The following PCDHGC3 variants were observed in gnomAD, a reference collection of about 807,000 sequenced individuals.
PCDHGC3 encodes the protein protocadherin gamma subfamily C, 3, also known as protocadherin gamma-C3.
In PCDHGC3, 26 loss-of-function variants were observed where a neutral mutation model predicts 59.2. The observed-to-expected ratio is 0.44, with a 90% CI of 0.32 to 0.61. The LOEUF (loss-of-function observed/expected upper bound fraction) is 0.61. Ranked by LOEUF, PCDHGC3 falls within the 20% of genes least tolerant of loss-of-function variation. The pLI, the probability that PCDHGC3 is intolerant of heterozygous loss-of-function variation, is 0.05. For missense variants in PCDHGC3, 1,080 were observed against 1,221.8 expected (o/e 0.88, Z 1.73); for synonymous variants, 487 against 519.7 (o/e 0.94, Z 0.86).
Position 141,477,920 on chromosome 5 carries a change from C to A in PCDHGC3, c.1804C>A (p.His602Asn), listed in dbSNP as rs755219711. ...GGTAGGCTGGGACGCGGATGCAGGGCACAATGCCTGGCTCTCCTACAGTCT... is the reference window on the plus strand; with the variant it reads ...GGTAGGCTGGGACGCGGATGCAGGGAACAATGCCTGGCTCTCCTACAGTCT... ...RVVGWDADAG[H>N]NAWLSYSLLG... The change falls in exon 1 of 4, where the codon CAC (histidine) becomes AAC (asparagine). Residue 602 changes from histidine to asparagine, a missense_variant. Transcript: ENST00000308177. The surrounding 1 kb of genome is among the most constrained non-coding windows in gnomAD (Gnocchi z 4.9). The A allele has an allele frequency of 6.2e-7, 1 of 1,614,180 alleles. No individual in the cohort carries two copies. The highest frequency in any genetic ancestry group is 8.5e-7 in the Non-Finnish European group (1 of 1,180,038).
chr5:141,501,066 A>G (rs2099805322), intron 2 of PCDHGC3, among the ~76,000 whole-genome samples: 1 of 151,976 alleles, frequency 6.6e-6, no homozygotes, highest in South Asian at 2.1e-4. Flanking sequence ...ACGGGGTTTC[A>G]CCATGTTGAC....
At position 141,493,726 on chromosome 5, in the gene PCDHGC3, G is replaced by C. The variant is rs1032021616; in HGVS notation, c.2431-1081G>C. ...CTGGAATGCTAGGTTTCTGGGTTCT[G>C]CTCATATCACTGCCACCTGTGAGCC... On this transcript the variant is annotated intron_variant, in intron 1 of 3. Coordinates refer to ENST00000308177, the MANE Select transcript of PCDHGC3 (RefSeq NM_002588.4). This position sits in a 1 kb window ranked among gnomAD's most constrained non-coding sequence, Gnocchi z 4.3. Among the ~76,000 whole-genome samples, 2 of 152,154 alleles carry C rather than the reference G, an allele frequency of 1.3e-5. No individual in the cohort carries two copies. Among genetic ancestry groups the C allele is most frequent in the African/African-American group, 4.8e-5 (2 of 41,438 alleles).
At position 141,478,236 on chromosome 5, in the gene PCDHGC3, T is replaced by C. The variant is rs2099440813; in HGVS notation, c.2120T>C (p.Val707Ala). Residue 707 changes from valine (V) to alanine (A), a missense_variant, in exon 1 of 4, where the codon GTC becomes GCC. By Grantham distance (64) the Val-to-Ala change is moderately conservative. Transcript: ENST00000308177. ...SLILVSVGFV[V>A]TVFGVIIFKV... ...ATCCTGGTTTCTGTGGGGTTTGTGG[T>C]CACAGTGTTCGGAGTAATCATATTC... 1.9e-6 allele frequency: 3 copies of C among 1,614,156 alleles called. No individual in the cohort carries two copies. The highest frequency in any genetic ancestry group is 2.5e-6 in the Non-Finnish European group (3 of 1,180,040).
intron 1 of PCDHGC3, chr5:141,479,247 C>A (rs1428944159): frequency 6.6e-6 from 1 of 152,084 alleles, no homozygotes; most frequent in Non-Finnish European, 1.5e-5. Flanking sequence ...CAAAGATAAC[C>A]ATTTTTAATT....
chr5:141,490,120 G>A lies in PCDHGC3; in HGVS notation c.2431-4687G>A. On this transcript the variant is annotated intron_variant, in intron 1 of 3. Coordinates refer to ENST00000308177, the MANE Select transcript of PCDHGC3 (RefSeq NM_002588.4). This position sits in a 1 kb window ranked among gnomAD's most constrained non-coding sequence, Gnocchi z 5.4. ...ATCTGAGGCAGTGCGGAACCTCTTT[G>A]GCCTAGACCCTAGCAGTGGGGCAAT... 6.2e-7 allele frequency: 1 copy of A among 1,614,224 alleles called. No homozygotes were observed. Among genetic ancestry groups the A allele is most frequent in the East Asian group, 2.2e-5 (1 of 44,888 alleles).
At chr5:141,506,636 C>T (rs1421676205) in intron 3 of PCDHGC3, among the ~76,000 whole-genome samples, 2 of 152,020 alleles carry the variant, frequency 1.3e-5, no homozygotes, top group South Asian at 2.1e-4. Context: ...AATGCAAGTC[C>T]CTCAGCACAG....
chr5:141,479,329 G>A (rs2099493017), intron 1 of PCDHGC3: 1 of 152,490 alleles, frequency 6.6e-6, no homozygotes, highest in African/African-American at 2.4e-5. Context: ...AGACTCAGTG[G>A]TGTGCACCTG....
chr5:141,484,715 G>A (rs576646182), intron 1 of PCDHGC3, among the ~76,000 whole-genome samples: 1 of 152,130 alleles, frequency 6.6e-6, no homozygotes, highest in African/African-American at 2.4e-5. Context: ...CCGCCGAAAA[G>A]GGGCGGGGTC....
Position 141,489,375 on chromosome 5 carries a change from G to C in PCDHGC3, c.2431-5432G>C. On this transcript the variant is annotated intron_variant, in intron 1 of 3. Coordinates refer to ENST00000308177, the MANE Select transcript of PCDHGC3 (RefSeq NM_002588.4). The surrounding 1 kb of genome is among the most constrained non-coding windows in gnomAD (Gnocchi z 4.5). ...AGGAGTCTGAGCCGGGGACGCTGGT[G>C]GGGAATGTTGCTCAGGATCTGGGCT... 1 of 1,613,826 alleles carries C rather than the reference G, an allele frequency of 6.2e-7. No homozygotes were observed.
At position 141,489,062 on chromosome 5, in the gene PCDHGC3, C is replaced by G. The variant is rs1466124551; in HGVS notation, c.2431-5745C>G. Reference sequence around the variant, plus strand: ...GCTCCACTCAAATTCAGCTCCCCTCCCCCCTGCCCACCCCCGCCACTCGGT... The same window carrying G: ...GCTCCACTCAAATTCAGCTCCCCTCGCCCCTGCCCACCCCCGCCACTCGGT... On this transcript the variant is annotated intron_variant, in intron 1 of 3. Transcript: ENST00000308177. This position sits in a 1 kb window ranked among gnomAD's most constrained non-coding sequence, Gnocchi z 4.5. 5.3e-6 allele frequency: 2 copies of G among 378,914 alleles called. No homozygotes were observed. Among genetic ancestry groups the G allele is most frequent in the Non-Finnish European group, 9.5e-6 (2 of 209,830 alleles). 23.5% of individuals were successfully genotyped at this position (378,914 alleles called of 1,614,324 possible).
Position 141,505,424 on chromosome 5 carries a change from C to T in PCDHGC3, c.2521C>T (p.Pro841Ser), listed in dbSNP as rs1422538114. The T allele has an allele frequency of 1.2e-6, 2 of 1,614,200 alleles. No individual in the cohort carries two copies. Among genetic ancestry groups the T allele is most frequent in the Non-Finnish European group, 1.7e-6 (2 of 1,180,028 alleles). Residue 841 changes from proline (P) to serine (S), a missense_variant, in exon 3 of 4, where the codon CCC (proline) becomes TCC (serine). Pro to Ser is a moderately conservative substitution (Grantham distance 74). Transcript: ENST00000308177. ...AAATGGCGATGACACCGGCACCTGG[C>T]CCAACAACCAGTTTGACACAGAGAT... is the stretch of plus-strand genomic sequence containing the variant. ...SQNGDDTGTW[P>S]NNQFDTEMLQ...
At chr5:141,500,469 AAAG>A (rs1479386829) in intron 2 of PCDHGC3, among the ~76,000 whole-genome samples, 1 of 152,052 alleles carries the variant, frequency 6.6e-6, no homozygotes, top group Non-Finnish European at 1.5e-5. Context: ...TCGGCCTCCC[AAAG>A]TGCTGGGATT....
intron 2 of PCDHGC3, among the ~76,000 whole-genome samples, chr5:141,504,211 A>G (rs2099836609): frequency 6.6e-6 from 1 of 152,218 alleles, no homozygotes. Flanking sequence ...GGAAAATTCC[A>G]AGTAGAGCTG....
intron 3 of PCDHGC3, among the ~76,000 whole-genome samples, chr5:141,510,566 A>G (rs2154594633): frequency 6.6e-6 from 1 of 152,288 alleles, no homozygotes; most frequent in South Asian, 2.1e-4. Flanking sequence ...TACATCTACC[A>G]GGCACTATTT....
chr5:141,484,750 G>GTATA (rs545232987), intron 1 of PCDHGC3, among the ~76,000 whole-genome samples: 1 of 149,818 alleles, frequency 6.7e-6, no homozygotes, highest in Non-Finnish European at 1.5e-5. Context: ...GAAAAAAAAT[G>GTATA]TATATATATA....
Position 141,487,367 on chromosome 5 carries a change from G to A in PCDHGC3, c.2431-7440G>A. 1 of 1,614,204 alleles carries A rather than the reference G, an allele frequency of 6.2e-7. No individual in the cohort carries two copies. The highest frequency in any genetic ancestry group is 8.5e-7 in the Non-Finnish European group (1 of 1,180,030). ...CACATGCTTTCCTGCTGGCACCTGT[G>A]CCTGTCTCACCAGATCTCGAAGGAG... On this transcript the variant is annotated intron_variant, in intron 1 of 3. Coordinates refer to ENST00000308177, the MANE Select transcript of PCDHGC3 (RefSeq NM_002588.4). This position sits in a 1 kb window ranked among gnomAD's most constrained non-coding sequence, Gnocchi z 5.0.
chr5:141,492,492 G>A (rs896538392), intron 1 of PCDHGC3, among the ~76,000 whole-genome samples: 2 of 152,206 alleles, frequency 1.3e-5, no homozygotes, highest in African/African-American at 2.4e-5. Context: ...AGGACCAGGC[G>A]AGGACTCCGG....
In PCDHGC3 at chr5:141,510,915, A is replaced by G; in HGVS notation, c.2579-32A>G. 8 of 1,613,786 alleles carry G rather than the reference A, an allele frequency of 5.0e-6. No individual in the cohort carries two copies. The South Asian group carries it at 8.8e-5, about 18-fold the overall frequency. ...AGTGACTGTTGAGGACCCTAAGTTT[A>G]GCTCCCACCTGATCTTCCTCTGTCT... On this transcript the variant is annotated intron_variant, in intron 3 of 3. Coordinates refer to ENST00000308177, the MANE Select transcript of PCDHGC3 (RefSeq NM_002588.4).
rs768994533 is a variant in PCDHGC3 at position 141,486,589 on chromosome 5, C to G, written c.2430+8043C>G. On this transcript the variant is annotated intron_variant, in intron 1 of 3. Transcript: ENST00000308177. This position sits in a 1 kb window ranked among gnomAD's most constrained non-coding sequence, Gnocchi z 5.0. Reference sequence around the variant, plus strand: ...TTCCTGAGAACAATCGCCCAGGGGACCTGCTTTGCTCCCTTGCAGCCTCTG... The same window carrying G: ...TTCCTGAGAACAATCGCCCAGGGGAGCTGCTTTGCTCCCTTGCAGCCTCTG... 1 of 1,613,676 alleles carries G rather than the reference C, an allele frequency of 6.2e-7. No individual in the cohort carries two copies. Among genetic ancestry groups the G allele is most frequent in the Non-Finnish European group, 8.5e-7 (1 of 1,179,996 alleles).
Sources: gnomAD v4.1 joint callset for allele counts (sites outside exome capture counted in the v4.1 genomes callset) on GRCh38, gnomAD v4.1.1 for gene constraint, Gnocchi (gnomAD v3.1) non-coding constraint, MANE v1.5 for transcripts, NCBI Gene and HGNC (gene_info 2026-07-23, HGNC 2026-07-21) for gene names.